Variants in PRKCE observed in about 807,000 individuals in gnomAD.
PRKCE encodes the protein protein kinase C epsilon.
PRKCE carries 16 observed loss-of-function variants against 85.4 expected under a neutral mutation model. The ratio of observed to expected loss-of-function variants is 0.19; its 90% CI spans 0.13 to 0.28. The LOEUF is 0.28. Among genes scored for constraint, PRKCE ranks in the 10% least tolerant of loss-of-function variants. The pLI, the probability that PRKCE is intolerant of heterozygous loss-of-function variation, is 1.00. For missense variants in PRKCE, 573 were observed against 975.2 expected (o/e 0.59, Z 5.49); for synonymous variants, 388 against 371.5 (o/e 1.04, Z -0.51).
At chr2:45,974,315 G>A (rs1444230195) in intron 2 of PRKCE, among the ~76,000 whole-genome samples, 3 of 152,212 alleles carry the variant, frequency 2.0e-5, no homozygotes, top group Non-Finnish European at 4.4e-5. Context: ...AATTTGGTCA[G>A]CAGGTCAAGA....
chr2:45,937,422 C>G (rs551128064), intron 2 of PRKCE, among the ~76,000 whole-genome samples: 7 of 152,220 alleles, frequency 4.6e-5, no homozygotes, highest in African/African-American at 1.4e-4. Context: ...TAAGAAAACT[C>G]ATAGGTATGG....
At chr2:46,073,896 C>T (rs1289980309) in intron 10 of PRKCE, 1 of 152,052 alleles carries the variant, frequency 6.6e-6, no homozygotes, top group African/African-American at 2.4e-5. Flanking sequence ...CTGCACAGAC[C>T]ACGCTATGCA....
At chr2:46,009,138 GT>G (rs1259839629) in intron 9 of PRKCE, among the ~76,000 whole-genome samples, 4 of 152,146 alleles carry the variant, frequency 2.6e-5, no homozygotes, top group African/African-American at 9.7e-5. Context: ...ACATAGAACT[GT>G]TAATTAGCTC....
intron 1 of PRKCE, among the ~76,000 whole-genome samples, chr2:45,698,882 C>A (rs1011486972): frequency 6.9e-6 from 1 of 145,272 alleles, no homozygotes; most frequent in Non-Finnish European, 1.5e-5. Flanking sequence ...TGGTTACCCT[C>A]CCTTTTGGGA....
chr2:46,112,962 G>C (rs1431025449), intron 11 of PRKCE, among the ~76,000 whole-genome samples: 2 of 152,106 alleles, frequency 1.3e-5, no homozygotes, highest in East Asian at 3.8e-4. Context: ...AAAAAAGTTT[G>C]TTCTAGAATC....
At chr2:45,840,165 G>C (rs1448785341) in intron 1 of PRKCE, among the ~76,000 whole-genome samples, 1 of 152,172 alleles carries the variant, frequency 6.6e-6, no homozygotes, top group Non-Finnish European at 1.5e-5. Context: ...ACAGTCGTGG[G>C]AAATCTTTGA....
chr2:46,058,128 C>T (rs1292392196), intron 10 of PRKCE, among the ~76,000 whole-genome samples: 1 of 152,250 alleles, frequency 6.6e-6, no homozygotes, highest in Non-Finnish European at 1.5e-5. Flanking sequence ...CCTCAGGGAC[C>T]ATCTAGTTCT....
Position 45,653,367 on chromosome 2 carries a change from GTTGTTTTTTTTTT to G in PRKCE, c.348+922_348+934del, listed in dbSNP as rs1353224424. Reference sequence around the variant, plus strand: ...TTTTGCTTTTTGTGTTTGTTTTTGGGTTGTTTTTTTTTTTTTTTTTTTTTTTTTCTCTCTTCTT... The same window carrying G: ...TTTTGCTTTTTGTGTTTGTTTTTGGGTTTTTTTTTTTTTTTCTCTCTTCTT... On this transcript the variant is annotated intron_variant, in intron 1 of 14. Coordinates refer to ENST00000306156, the MANE Select transcript of PRKCE (RefSeq NM_005400.3). Among the ~76,000 whole-genome samples, 101 of 48,450 alleles carry G rather than the reference GTTGTTTTTTTTTT, an allele frequency of 2.1e-3. 2 individuals carry two copies. The highest frequency in any genetic ancestry group is 6.9e-3 in the African/African-American group (99 of 14,312). The allele number at this position is 48,450 out of a possible 152,430, so 31.8% of individuals were successfully genotyped here. A position where few individuals can be genotyped will look rare whatever the true frequency, so the allele number is the denominator to read the frequency against.
intron 1 of PRKCE, among the ~76,000 whole-genome samples, chr2:45,713,307 A>G (rs1679821937): frequency 6.6e-6 from 1 of 152,202 alleles, no homozygotes; most frequent in Admixed American, 6.5e-5. Context: ...AGGAGAGCAT[A>G]TGCCTGAGGG....
At position 45,673,992 on chromosome 2, in the gene PRKCE, T is replaced by TTGTTGTTCTGGGTC. The variant is rs1334173691; in HGVS notation, c.348+21544_348+21545insTGTTGTTCTGGGTC. Among the ~76,000 whole-genome samples, 440 of 152,338 alleles carry TTGTTGTTCTGGGTC rather than the reference T, an allele frequency of 2.9e-3. 2 individuals carry two copies. Among genetic ancestry groups the TTGTTGTTCTGGGTC allele is most frequent in the African/African-American group, 0.01 (424 of 41,576 alleles). On this transcript the variant is annotated intron_variant, in intron 1 of 14. Coordinates refer to ENST00000306156, the MANE Select transcript of PRKCE (RefSeq NM_005400.3). ...AACTCTTGCTCCTTCTGTTCACAAA[T>TTGTTGTTCTGGGTC]CAATTGTTGCTTGATTGGACCCAGA... is the stretch of plus-strand genomic sequence containing the variant.
At chr2:45,675,548 G>T (rs987180579) in intron 1 of PRKCE, 1 of 152,128 alleles carries the variant, frequency 6.6e-6, no homozygotes. Context: ...ATTTTAAACC[G>T]GTCTGACGAG....
In PRKCE at chr2:46,089,830, T is replaced by C. The variant is rs545902499; in HGVS notation, c.1592+3468T>C. ...ATGACCTTTTGGCCCTTATCCCTATTGCCACCCTTTAGGCACTCCAAATTA... is the reference window on the plus strand; with the variant it reads ...ATGACCTTTTGGCCCTTATCCCTATCGCCACCCTTTAGGCACTCCAAATTA... On this transcript the variant is annotated intron_variant, in intron 11 of 14. Coordinates refer to ENST00000306156, the MANE Select transcript of PRKCE (RefSeq NM_005400.3). Among the ~76,000 whole-genome samples, 83 of 152,302 alleles carry C rather than the reference T, an allele frequency of 5.4e-4. 1 individual carries two copies. In the South Asian group the frequency reaches 0.017, roughly 32 times the overall value.
At position 46,184,454 on chromosome 2, in the gene PRKCE, C is replaced by T. The variant is rs1248047039; in HGVS notation, c.2068-281C>T. ...ACACAAACACACACACACACACACA[C>T]ACACACACGTCTGTGGGAATCCCAC... On this transcript the variant is annotated intron_variant, in intron 14 of 14. Coordinates refer to ENST00000306156, the MANE Select transcript of PRKCE (RefSeq NM_005400.3). The surrounding 1 kb of genome is among the most constrained non-coding windows in gnomAD (Gnocchi z 5.0). Among the ~76,000 whole-genome samples the T allele has an allele frequency of 6.6e-6, 1 of 151,978 alleles. No individual in the cohort carries two copies. The highest frequency in any genetic ancestry group is 1.5e-5 in the Non-Finnish European group (1 of 67,984).
intron 11 of PRKCE, among the ~76,000 whole-genome samples, chr2:46,142,256 C>T (rs1340146026): frequency 6.6e-6 from 1 of 152,178 alleles, no homozygotes; most frequent in East Asian, 1.9e-4. Context: ...AACTGCTTGC[C>T]ACTGAGAGCC....
At chr2:45,976,685 T>C (rs1651548133) in intron 3 of PRKCE, 97 bp downstream of exon 3, 13 of 1,394,220 alleles carry the variant, frequency 9.3e-6, no homozygotes, top group Non-Finnish European at 1.3e-5. Context: ...TAAAGAATGC[T>C]GGTGTGCCTC....
intron 1 of PRKCE, among the ~76,000 whole-genome samples, chr2:45,752,596 G>A (rs1298601870): frequency 6.6e-6 from 1 of 152,140 alleles, no homozygotes; most frequent in African/African-American, 2.4e-5. Flanking sequence ...GCCGGTCTCG[G>A]TGATCTCCCT....
chr2:46,097,080 G>T (rs73926187), intron 11 of PRKCE, among the ~76,000 whole-genome samples: 8,470 of 152,150 alleles, frequency 0.056, 841 homozygotes, highest in African/African-American at 0.19. Flanking sequence ...CTCTTTTACA[G>T]GCTAAGGGCC....
intron 10 of PRKCE, among the ~76,000 whole-genome samples, chr2:46,042,166 G>A (rs1245670522): frequency 6.6e-6 from 1 of 152,194 alleles, no homozygotes; most frequent in Middle Eastern, 3.2e-3. Context: ...TTGTTAGGGA[G>A]CAGTACTTGC....
chr2:45,897,603 A>G (rs1422658920), intron 2 of PRKCE, among the ~76,000 whole-genome samples: 4 of 152,178 alleles, frequency 2.6e-5, no homozygotes. Context: ...AGATGTTTAG[A>G]GGTGCAAGAG....
Sources: allele counts gnomAD v4.1 joint callset (sites outside exome capture counted in the v4.1 genomes callset), GRCh38; gene constraint gnomAD v4.1.1; non-coding constraint Gnocchi (gnomAD v3.1); transcripts MANE v1.5; gene names NCBI Gene and HGNC (gene_info 2026-07-23, HGNC 2026-07-21).